ERN1: variants seen among roughly 807,000 people sequenced by gnomAD.
The protein encoded by ERN1 is endoplasmic reticulum to nucleus signaling 1, also known as serine/threonine-protein kinase/endoribonuclease IRE1.
In ERN1, 39 loss-of-function variants were observed where a neutral mutation model predicts 113.1. The ratio of observed to expected loss-of-function variants is 0.34; its 90% confidence interval spans 0.27 to 0.45. The LOEUF (loss-of-function observed/expected upper bound fraction) is 0.45, where lower values mean the gene tolerates loss of function less well. Ranked by LOEUF, ERN1 falls within the 20% of genes least tolerant of loss-of-function variation. ERN1 has a pLI of 1.00. For missense variants in ERN1, 976 were observed against 1,274.8 expected (o/e 0.77, Z 3.57); for synonymous variants, 507 against 515.9 (o/e 0.98, Z 0.23).
At chr17:64,102,462 G>A (rs1031141505) in intron 1 of ERN1, among the ~76,000 whole-genome samples, 1 of 152,174 alleles carries the variant, frequency 6.6e-6, no homozygotes, top group African/African-American at 2.4e-5. Context: ...GCTCTCAACT[G>A]TACCAAATCG....
intron 17 of ERN1, among the ~76,000 whole-genome samples, chr17:64,051,184 A>C (rs998603858): frequency 6.6e-6 from 1 of 152,154 alleles, no homozygotes; most frequent in African/African-American, 2.4e-5. Flanking sequence ...GAGAGAAGAA[A>C]GTGAAAAGAA....
At chr17:64,110,079 G>C (rs1392054090) in intron 1 of ERN1, among the ~76,000 whole-genome samples, 1 of 152,064 alleles carries the variant, frequency 6.6e-6, no homozygotes, top group Non-Finnish European at 1.5e-5. Flanking sequence ...AAATTCCTGA[G>C]ATCTCACTGT....
chr17:64,105,960 CAAA>C (rs1176683809), intron 1 of ERN1, among the ~76,000 whole-genome samples: 2 of 97,594 alleles, frequency 2.0e-5, no homozygotes, highest in Admixed American at 1.1e-4. Context: ...AACTCCAACT[CAAA>C]AAAAAAAAAA....
chr17:64,105,955 C>T (rs981710837), intron 1 of ERN1, among the ~76,000 whole-genome samples: 2 of 143,948 alleles, frequency 1.4e-5, no homozygotes, highest in African/African-American at 5.2e-5. Context: ...AGCAAAACTC[C>T]AACTCAAAAA....
At chr17:64,113,766 C>T (rs915654903) in intron 1 of ERN1, among the ~76,000 whole-genome samples, 14 of 152,218 alleles carry the variant, frequency 9.2e-5, no homozygotes, top group African/African-American at 2.9e-4. Context: ...CCACTGCAAC[C>T]TTCACCTCCT....
chr17:64,108,695 T>C (rs1235106462), intron 1 of ERN1, among the ~76,000 whole-genome samples: 2 of 152,216 alleles, frequency 1.3e-5, no homozygotes, highest in South Asian at 2.1e-4. Flanking sequence ...TTTACTTTAA[T>C]GGAGAAACAT....
At chr17:64,097,870 A>T (rs950609352) in intron 2 of ERN1, 4 of 435,632 alleles carry the variant, frequency 9.2e-6, no homozygotes, top group Non-Finnish European at 1.2e-5. Flanking sequence ...GAGCCATTTT[A>T]ACATGAAGTC....
Position 64,063,278 on chromosome 17 carries a change from TA to T in ERN1, c.1087+707del, listed in dbSNP as rs1380192652. 6.6e-6 allele frequency among the ~76,000 whole-genome samples: 1 copy of T among 152,242 alleles called. No individual in the cohort carries two copies. Among genetic ancestry groups the T allele is most frequent in the African/African-American group, 2.4e-5 (1 of 41,458 alleles). ...GGTTCAAGAAAACTCCCTCCTGCTC[TA>T]ATGACTTGGCACACTTGCCAGGAAC... is the stretch of plus-strand genomic sequence containing the variant. On this transcript the variant is annotated intron_variant, in intron 10 of 21. Transcript: ENST00000433197. The surrounding 1 kb of genome is among the most constrained non-coding windows in gnomAD (Gnocchi z 5.1).
At position 64,043,996 on chromosome 17, in the gene ERN1, C is replaced by T. The variant is rs142212892; in HGVS notation, c.2926G>A (p.Ala976Thr). Residue 976 changes from alanine to threonine, a missense_variant, in exon 22 of 22, where the codon GCC becomes ACC. Ala to Thr is a moderately conservative substitution (Grantham distance 58). Transcript: ENST00000433197. The part of the protein sequence containing the change: ...PEPQPPVTPD[A>T]L ...AGAGGGGCCGCCCTCGCTCAGAGGG[C>T]GTCTGGAGTCACTGGGGGCTGGGGC... 2.0e-4 allele frequency: 319 copies of T among 1,608,610 alleles called. No homozygotes were observed. The African/African-American group carries it at 3.7e-3, about 19-fold the overall frequency.
At chr17:64,107,588 T>C (rs1190100342) in intron 1 of ERN1, among the ~76,000 whole-genome samples, 1 of 152,224 alleles carries the variant, frequency 6.6e-6, no homozygotes, top group Non-Finnish European at 1.5e-5. Flanking sequence ...CTCAAAGTGC[T>C]GGGATTACAG....
intron 2 of ERN1, among the ~76,000 whole-genome samples, chr17:64,095,383 C>T (rs1051742403): frequency 2.0e-5 from 3 of 152,118 alleles, no homozygotes; most frequent in Admixed American, 6.5e-5. Context: ...GAGCCAAGAT[C>T]GCACCATTGC....
At chr17:64,098,357 G>A in intron 1 of ERN1, 116 bp from the exon 2 acceptor site, 1 of 1,284,026 alleles carries the variant, frequency 7.8e-7, no homozygotes, top group Non-Finnish European at 1.1e-6. Context: ...TTTTACAGAT[G>A]AAGAAATGGA....
chr17:64,121,886 C>T (rs932578306), intron 1 of ERN1, among the ~76,000 whole-genome samples: 4 of 152,218 alleles, frequency 2.6e-5, no homozygotes, highest in African/African-American at 9.6e-5. Context: ...GTGAAGGCAG[C>T]ATTCCCATCT....
At chr17:64,053,661 CT>C (rs1249673196) in intron 15 of ERN1, among the ~76,000 whole-genome samples, 14 of 152,160 alleles carry the variant, frequency 9.2e-5, no homozygotes, top group Non-Finnish European at 2.9e-5. Flanking sequence ...GCAAAAGGAG[CT>C]TGCTGGATGA....
intron 1 of ERN1, among the ~76,000 whole-genome samples, chr17:64,113,368 C>G (rs1914721986): frequency 6.6e-6 from 1 of 152,154 alleles, no homozygotes; most frequent in Non-Finnish European, 1.5e-5. Context: ...CTTTTGCTAT[C>G]CTAGACCATT....
At chr17:64,059,864 T>C (rs1003609018) in intron 11 of ERN1, among the ~76,000 whole-genome samples, 4 of 150,900 alleles carry the variant, frequency 2.7e-5, no homozygotes, top group Non-Finnish European at 5.9e-5. Context: ...TTTTTTTTTT[T>C]TTTTTTTTTA....
intron 1 of ERN1, among the ~76,000 whole-genome samples, chr17:64,119,486 T>C (rs1567888537): frequency 6.8e-6 from 1 of 147,660 alleles, no homozygotes; most frequent in South Asian, 2.1e-4. Flanking sequence ...CCTCCTGGGT[T>C]CAAGCAATTC....
chr17:64,101,115 A>G (rs1598080045), intron 1 of ERN1, among the ~76,000 whole-genome samples: 1 of 152,022 alleles, frequency 6.6e-6, no homozygotes, highest in South Asian at 2.1e-4. Flanking sequence ...AGAAAAAGGG[A>G]AAAAAAGGGC....
rs777168621 is a variant in ERN1, at chr17:64,098,253, T to G, written c.55-12A>C. The G allele has an allele frequency of 1.9e-6, 3 of 1,613,890 alleles. No individual in the cohort carries two copies. The highest frequency in any genetic ancestry group is 1.7e-6 in the Non-Finnish European group (2 of 1,179,820). On this transcript the variant is annotated splice_polypyrimidine_tract_variant and intron_variant, in intron 1 of 21. Coordinates refer to ENST00000433197, the MANE Select transcript of ERN1 (RefSeq NM_001433.5). The stretch of plus-strand genomic sequence containing the variant: ...GTACTTCCAAAAATCTGCAACGAGA[T>G]GTAGAAGACTCTTAATGTTGATATG...
Sources: gnomAD v4.1 joint callset for allele counts (sites outside exome capture counted in the v4.1 genomes callset) on GRCh38, gnomAD v4.1.1 for gene constraint, Gnocchi (gnomAD v3.1) non-coding constraint, MANE v1.5 for transcripts, NCBI Gene and HGNC (gene_info 2026-07-23, HGNC 2026-07-21) for gene names.